SNX33: variants seen among roughly 807,000 people sequenced by gnomAD.
SNX33 encodes sorting nexin 33.
SNX33 carries 19 observed loss-of-function variants against 38.8 expected under a neutral mutation model. The observed-to-expected ratio is 0.49, with a 90% CI of 0.34 to 0.72. The LOEUF (loss-of-function observed/expected upper bound fraction) is 0.72, where lower values mean the gene tolerates loss of function less well. Among genes scored for constraint, SNX33 ranks in the 30% least tolerant of loss-of-function variants. The pLI, the probability that SNX33 is intolerant of heterozygous loss-of-function variation, is 0.01. For synonymous variants in SNX33, 246 were observed against 289.7 expected, an observed-to-expected ratio of 0.85 and a Z score of 1.53; for missense variants, 641 against 776.4, an observed-to-expected ratio of 0.83 and a Z score of 2.07.
At position 75,657,136 on chromosome 15, in the gene SNX33, A is replaced by G; in HGVS notation, c.1646A>G (p.Tyr549Cys). ...GACTTCAAGCACATGATGCAGAACTACTTGCGCCAGCAGATCCTCTTCTAC... is the reference window on the plus strand; with the variant it reads ...GACTTCAAGCACATGATGCAGAACTGCTTGCGCCAGCAGATCCTCTTCTAC... ...ELDFKHMMQNYLRQQILFYQR... is the reference protein window; with the variant it reads ...ELDFKHMMQNCLRQQILFYQR... The change falls in exon 2 of 2, where the codon TAC becomes TGC. Residue 549 changes from tyrosine to cysteine, a missense_variant. This residue lies in a region of SNX33 where 398 missense variants were observed against 542.5 expected (regional missense o/e 0.73). Coordinates refer to ENST00000308527, the MANE Select transcript of SNX33 (RefSeq NM_153271.2). This position sits in a 1 kb window ranked among gnomAD's most constrained non-coding sequence, Gnocchi z 5.5. 1.2e-6 allele frequency: 2 copies of G among 1,614,178 alleles called. No individual in the cohort carries two copies. The highest frequency in any genetic ancestry group is 8.5e-7 in the Non-Finnish European group (1 of 1,180,016).
Position 75,650,085 on chromosome 15 carries a change from G to T in SNX33, c.983G>T (p.Gly328Val). The T allele has an allele frequency of 6.2e-7, 1 of 1,614,118 alleles. No individual in the cohort carries two copies. The highest frequency in any genetic ancestry group is 8.5e-7 in the Non-Finnish European group (1 of 1,180,006). Residue 328 changes from glycine (G) to valine (V), a missense_variant, in exon 1 of 2, where the codon GGC becomes GTC. Gly to Val is a moderately radical substitution (Grantham distance 109). Transcript: ENST00000308527. The surrounding 1 kb of genome is among the most constrained non-coding windows in gnomAD (Gnocchi z 6.1). ...TSHPVLSQYE[G>V]FQHFLSCLDD... ...CACCCTGTGCTCTCCCAGTACGAAG[G>T]CTTCCAGCATTTCCTCAGCTGCCTG...
At chr15:75,656,826 G>C in intron 1 of SNX33, 136 bp from the exon 2 acceptor site, 1 of 1,361,062 alleles carries the variant, frequency 7.3e-7, no homozygotes, top group Non-Finnish European at 9.9e-7. Flanking sequence ...AGACACCCAG[G>C]TGGCTGGAAT....
Position 75,657,044 on chromosome 15 carries a change from G to T in SNX33, c.1554G>T (p.Arg518Ser). ...AGGACGAGGCAGACGGCATTCGCAG[G>T]CGCTGCCGCGTGGTGGGTTTCGCCC... ...MVQDEADGIR[R>S]RCRVVGFALQ... The change falls in exon 2 of 2, where the codon AGG becomes AGT. Residue 518 changes from arginine (R) to serine (S), a missense_variant. Physicochemically the swap from Arg to Ser is moderately radical, Grantham distance 110. This residue lies in a region of SNX33 where 398 missense variants were observed against 542.5 expected (regional missense o/e 0.73). Transcript: ENST00000308527. The surrounding 1 kb of genome is among the most constrained non-coding windows in gnomAD (Gnocchi z 5.5). 6.2e-7 allele frequency: 1 copy of T among 1,614,148 alleles called. No homozygotes were observed. Among genetic ancestry groups the T allele is most frequent in the Non-Finnish European group, 8.5e-7 (1 of 1,180,012 alleles).
intron 1 of SNX33, among the ~76,000 whole-genome samples, chr15:75,651,117 G>C (rs1893574565): frequency 6.6e-6 from 1 of 152,218 alleles, no homozygotes; most frequent in Admixed American, 6.5e-5. Flanking sequence ...GGAGCCGGTA[G>C]GCCCTTGGGA....
At chr15:75,652,539 G>A (rs1055900692) in intron 1 of SNX33, among the ~76,000 whole-genome samples, 3 of 152,294 alleles carry the variant, frequency 2.0e-5, no homozygotes, top group African/African-American at 4.8e-5. Context: ...AGGCTGGGGG[G>A]AAGCCAGACC....
chr15:75,651,088 C>T (rs1004970850), intron 1 of SNX33, among the ~76,000 whole-genome samples: 2 of 152,196 alleles, frequency 1.3e-5, no homozygotes, highest in African/African-American at 4.8e-5. Context: ...GATGACCAGG[C>T]CCCAGGCCTT....
In SNX33 at chr15:75,648,158, C is replaced by T. The variant is rs1362206124; in HGVS notation, c.-945C>T. ...GGGTCGTAAGTCCCGGGTGAGGAAC[C>T]GGTTTCTGCTGGGGTTACCTTTGGA... On this transcript the variant is annotated 5_prime_UTR_variant, in exon 1 of 2. Transcript: ENST00000308527. The surrounding 1 kb of genome is among the most constrained non-coding windows in gnomAD (Gnocchi z 4.4). 3.3e-5 allele frequency: 33 copies of T among 985,580 alleles called. 1 individual carries two copies. The South Asian group carries it at 9.4e-4, about 28-fold the overall frequency. 61.1% of individuals were successfully genotyped at this position (985,580 alleles called of 1,614,324 possible).
Position 75,648,002 on chromosome 15 carries a change from A to T in SNX33, c.-1101A>T. Reference sequence around the variant, plus strand: ...AGGCTGGGGGCGCAGCCCGCCCCCCACTGGCCGGGCCCCGCAGGGCGGAGA... The same window carrying T: ...AGGCTGGGGGCGCAGCCCGCCCCCCTCTGGCCGGGCCCCGCAGGGCGGAGA... On this transcript the variant is annotated 5_prime_UTR_variant, in exon 1 of 2. Transcript: ENST00000308527. The surrounding 1 kb of genome is among the most constrained non-coding windows in gnomAD (Gnocchi z 4.4). 2.0e-6 allele frequency: 2 copies of T among 985,176 alleles called. No individual in the cohort carries two copies. The highest frequency in any genetic ancestry group is 2.4e-6 in the Non-Finnish European group (2 of 829,848). 61.0% of individuals were successfully genotyped at this position (985,176 alleles called of 1,614,324 possible). A position where few individuals can be genotyped will look rare whatever the true frequency, so the allele number is the denominator to read the frequency against.
Position 75,647,938 on chromosome 15 carries a change from C to G in SNX33, c.-1165C>G, listed in dbSNP as rs1425604266. ...CCTTTTTGTTTTGGAGCTGCCTTCTCGCTGGCGGAGCGGAGGGTCTGCGAG... is the reference window on the plus strand; with the variant it reads ...CCTTTTTGTTTTGGAGCTGCCTTCTGGCTGGCGGAGCGGAGGGTCTGCGAG... On this transcript the variant is annotated 5_prime_UTR_variant, in exon 1 of 2. Coordinates refer to ENST00000308527, the MANE Select transcript of SNX33 (RefSeq NM_153271.2). 17 of 985,352 alleles carry G rather than the reference C, an allele frequency of 1.7e-5. No homozygotes were observed. Among genetic ancestry groups the G allele is most frequent in the Non-Finnish European group, 1.8e-5 (15 of 829,952 alleles). 61.0% of individuals were successfully genotyped at this position (985,352 alleles called of 1,614,324 possible).
chr15:75,656,845 G>A lies in SNX33; in HGVS notation c.1472-117G>A. ...ACCCAGGTGGCTGGAATGTGGGTCT[G>A]GGGCTCAGGAATGACGTCCGAGTTG... is the stretch of plus-strand genomic sequence containing the variant. On this transcript the variant is annotated intron_variant, in intron 1 of 1. Coordinates refer to ENST00000308527, the MANE Select transcript of SNX33 (RefSeq NM_153271.2). 2.7e-6 allele frequency: 4 copies of A among 1,459,586 alleles called. No homozygotes were observed. The Admixed American group carries it at 9.2e-5, about 33-fold the overall frequency. 90.4% of individuals were successfully genotyped at this position (1,459,586 alleles called of 1,614,324 possible).
rs1225969860 is a variant in SNX33, at chr15:75,650,401, C to T, written c.1299C>T (p.Pro433=). ...AISHSFQMDP[P]FCSEALNSAI... The stretch of plus-strand genomic sequence containing the variant: ...GTCATTCCTTCCAGATGGACCCCCC[C>T]TTTTGCTCTGAGGCCCTCAACAGTG... The change falls in exon 1 of 2, where the codon CCC becomes CCT. Residue 433 remains proline (P), a synonymous_variant. Coordinates refer to ENST00000308527, the MANE Select transcript of SNX33 (RefSeq NM_153271.2). This position sits in a 1 kb window ranked among gnomAD's most constrained non-coding sequence, Gnocchi z 6.1. 5 of 1,613,834 alleles carry T rather than the reference C, an allele frequency of 3.1e-6. No individual in the cohort carries two copies. The highest frequency in any genetic ancestry group is 4.2e-6 in the Non-Finnish European group (5 of 1,179,902).
intron 1 of SNX33, among the ~76,000 whole-genome samples, chr15:75,656,357 G>A (rs1038705781): frequency 4.6e-5 from 7 of 152,304 alleles, no homozygotes; most frequent in East Asian, 3.9e-4. Context: ...TGAGTTTGAC[G>A]AACATGGGGG....
At chr15:75,655,118 C>A (rs1239731959) in intron 1 of SNX33, among the ~76,000 whole-genome samples, 1 of 152,228 alleles carries the variant, frequency 6.6e-6, no homozygotes, top group Non-Finnish European at 1.5e-5. Flanking sequence ...CGTCTGGGGG[C>A]CCCACACATA....
In SNX33 at chr15:75,650,609, T is replaced by C; in HGVS notation, c.1471+36T>C. The stretch of plus-strand genomic sequence containing the variant: ...GTGCAGGCAGGAAACTCGTCCTGAG[T>C]CTGGCTCTCTGCTGGGCCCTGGGGA... On this transcript the variant is annotated intron_variant, in intron 1 of 1. Coordinates refer to ENST00000308527, the MANE Select transcript of SNX33 (RefSeq NM_153271.2). The surrounding 1 kb of genome is among the most constrained non-coding windows in gnomAD (Gnocchi z 6.1). 1 of 1,548,394 alleles carries C rather than the reference T, an allele frequency of 6.5e-7. No homozygotes were observed. Among genetic ancestry groups the C allele is most frequent in the Middle Eastern group, 1.8e-4 (1 of 5,486 alleles).
chr15:75,649,630 C>T lies in SNX33; in HGVS notation c.528C>T (p.Gly176=), dbSNP rs752834816. 6.2e-7 allele frequency: 1 copy of T among 1,611,906 alleles called. No individual in the cohort carries two copies. Among genetic ancestry groups the T allele is most frequent in the Non-Finnish European group, 8.5e-7 (1 of 1,178,808 alleles). ...ACAGCCTGGCATCTGCCAAGCGAGG[C>T]AGTGTGGTGGGCCGTAACCTCAACC... ...RQDSLASAKR[G]SVVGRNLNRF... is the part of the protein sequence containing the mutation. The change falls in exon 1 of 2, where the codon GGC becomes GGT. Residue 176 remains glycine, a synonymous_variant. Coordinates refer to ENST00000308527, the MANE Select transcript of SNX33 (RefSeq NM_153271.2). This position sits in a 1 kb window ranked among gnomAD's most constrained non-coding sequence, Gnocchi z 6.6.
At position 75,650,211 on chromosome 15, in the gene SNX33, A is replaced by G; in HGVS notation, c.1109A>G (p.Asp370Gly). 6.3e-7 allele frequency: 1 copy of G among 1,594,494 alleles called. No individual in the cohort carries two copies. The highest frequency in any genetic ancestry group is 8.5e-7 in the Non-Finnish European group (1 of 1,169,840). Reference sequence around the variant, plus strand: ...TTCCAGATCCCCACCGAGCACCAGGACTTGCAGGACGTGGAAGATCGCGTG... The same window carrying G: ...TTCCAGATCCCCACCGAGCACCAGGGCTTGCAGGACGTGGAAGATCGCGTG... ...LTFQIPTEHQDLQDVEDRVDT... is the reference protein window; with the variant it reads ...LTFQIPTEHQGLQDVEDRVDT... The change falls in exon 1 of 2, where the codon GAC (aspartate) becomes GGC (glycine). Residue 370 changes from aspartate (D) to glycine (G), a missense_variant. Transcript: ENST00000308527. This position sits in a 1 kb window ranked among gnomAD's most constrained non-coding sequence, Gnocchi z 6.1.
At position 75,658,735 on chromosome 15, in the gene SNX33, G is replaced by A. The variant is rs1324935868; in HGVS notation, c.*1520G>A. ...AGCCATTGGATGAGATTCTGAGGTC[G>A]TGGTGGGCACAAATTTTCCACAGAA... is the stretch of plus-strand genomic sequence containing the variant. On this transcript the variant is annotated 3_prime_UTR_variant, in exon 2 of 2. Transcript: ENST00000308527. The surrounding 1 kb of genome is among the most constrained non-coding windows in gnomAD (Gnocchi z 4.1). The A allele has an allele frequency of 6.6e-6, 1 of 152,414 alleles. No homozygotes were observed. The highest frequency in any genetic ancestry group is 1.5e-5 in the Non-Finnish European group (1 of 68,066). 9.4% of individuals were successfully genotyped at this position (152,414 alleles called of 1,614,324 possible).
chr15:75,657,111 G>A lies in SNX33; in HGVS notation c.1621G>A (p.Asp541Asn), dbSNP rs748880200. 4.3e-6 allele frequency: 7 copies of A among 1,614,058 alleles called. No individual in the cohort carries two copies. Among genetic ancestry groups the A allele is most frequent in the African/African-American group, 2.7e-5 (2 of 74,922 alleles). Residue 541 changes from aspartate (D) to asparagine (N), a missense_variant, in exon 2 of 2, where the codon GAC (aspartate) becomes AAC (asparagine). Around this residue, in one of 2 missense-constraint regions of SNX33, gnomAD observed 398 missense variants for 542.5 expected, o/e 0.73. Coordinates refer to ENST00000308527, the MANE Select transcript of SNX33 (RefSeq NM_153271.2). The surrounding 1 kb of genome is among the most constrained non-coding windows in gnomAD (Gnocchi z 5.5). The part of the protein sequence containing the change: ...MNHFHQRREL[D>N]FKHMMQNYLR... ...CCACTTCCACCAGCGCCGTGAGCTC[G>A]ACTTCAAGCACATGATGCAGAACTA...
At chr15:75,656,405 TGA>T (rs1893652664) in intron 1 of SNX33, among the ~76,000 whole-genome samples, 1 of 151,774 alleles carries the variant, frequency 6.6e-6, no homozygotes, top group Non-Finnish European at 1.5e-5. Flanking sequence ...CTCCCAGAGG[TGA>T]GGGCCCCCCA....
Sources: allele counts gnomAD v4.1 joint callset (sites outside exome capture counted in the v4.1 genomes callset), GRCh38; gene constraint gnomAD v4.1.1; regional missense constraint gnomAD v4.1.1; non-coding constraint Gnocchi (gnomAD v3.1); transcripts MANE v1.5; gene names NCBI Gene and HGNC (gene_info 2026-07-23, HGNC 2026-07-21).